Variants in ITPK1 observed in about 807,000 individuals in gnomAD.
The protein encoded by ITPK1 is inositol-tetrakisphosphate 1-kinase, also known as inositol 1,3,4-trisphosphate 5/6-kinase.
Under a neutral mutation model 45.3 loss-of-function variants are expected in ITPK1, and 21 were observed. That is an observed-to-expected ratio of 0.46 (90% CI 0.33 to 0.67). The LOEUF (loss-of-function observed/expected upper bound fraction) is 0.67, where lower values mean the gene tolerates loss of function less well. Ranked by LOEUF, ITPK1 falls within the 30% of genes least tolerant of loss-of-function variation. ITPK1 has a pLI of 0.02. For synonymous variants in ITPK1, 258 were observed against 253.6 expected (o/e 1.02, Z -0.16); for missense variants, 474 against 573.5 (o/e 0.83, Z 1.77).
intron 4 of ITPK1, among the ~76,000 whole-genome samples, chr14:92,999,938 A>G (rs1456631243): frequency 2.0e-5 from 3 of 152,136 alleles, no homozygotes; most frequent in Non-Finnish European, 4.4e-5. Flanking sequence ...GCAACCACAC[A>G]TCTACTTTCT....
chr14:93,087,903 G>A (rs1419798479), intron 2 of ITPK1, among the ~76,000 whole-genome samples: 1 of 152,242 alleles, frequency 6.6e-6, no homozygotes, highest in Non-Finnish European at 1.5e-5. Flanking sequence ...TGGCGGGAAA[G>A]AAGCCCAGGG....
chr14:93,038,700 G>C (rs112726343), intron 3 of ITPK1, among the ~76,000 whole-genome samples: 5 of 151,982 alleles, frequency 3.3e-5, no homozygotes, highest in Non-Finnish European at 5.9e-5. Flanking sequence ...GCTAATTTTT[G>C]TATTTTTAGT....
At chr14:92,968,191 G>A (rs1202203581) in intron 5 of ITPK1, among the ~76,000 whole-genome samples, 1 of 152,094 alleles carries the variant, frequency 6.6e-6, no homozygotes, top group Non-Finnish European at 1.5e-5. Flanking sequence ...TTAGCTGGGT[G>A]TGGTGGCACA....
chr14:93,014,219 G>A lies in ITPK1; in HGVS notation c.246+2457C>T, dbSNP rs1401265323. On this transcript the variant is annotated intron_variant, in intron 4 of 10. Coordinates refer to ENST00000267615, the MANE Select transcript of ITPK1 (RefSeq NM_014216.6). This position sits in a 1 kb window ranked among gnomAD's most constrained non-coding sequence, Gnocchi z 4.4. ...AAGACACTGCCTGAGAAATGCACCT[G>A]TGGCTGCCTGACAGCCTTAAGCCAC... 6.6e-6 allele frequency among the ~76,000 whole-genome samples: 1 copy of A among 152,122 alleles called. No homozygotes were observed. The highest frequency in any genetic ancestry group is 2.4e-5 in the African/African-American group (1 of 41,428).
intron 5 of ITPK1, among the ~76,000 whole-genome samples, chr14:92,986,524 GA>G (rs748995585): frequency 6.6e-5 from 10 of 152,226 alleles, no homozygotes; most frequent in Non-Finnish European, 1.3e-4. Flanking sequence ...ATGTCATTGG[GA>G]GAGTACCTCC....
chr14:93,082,040 G>C (rs1479711869), intron 2 of ITPK1, among the ~76,000 whole-genome samples: 3 of 152,146 alleles, frequency 2.0e-5, no homozygotes, highest in African/African-American at 7.2e-5. Context: ...GGAGCAGCTG[G>C]GTATGGGGAC....
intron 5 of ITPK1, among the ~76,000 whole-genome samples, chr14:92,977,904 G>T (rs941527119): frequency 6.6e-6 from 1 of 151,922 alleles, no homozygotes; most frequent in African/African-American, 2.4e-5. Context: ...ACTGCTATAA[G>T]GATATCTGAA....
At chr14:92,978,166 G>T (rs1238075003) in intron 5 of ITPK1, among the ~76,000 whole-genome samples, 1 of 151,960 alleles carries the variant, frequency 6.6e-6, no homozygotes, top group Non-Finnish European at 1.5e-5. Context: ...CTGGCATATT[G>T]TGTCCCTGCT....
At chr14:92,997,905 C>T (rs1398947632) in intron 4 of ITPK1, among the ~76,000 whole-genome samples, 2 of 152,228 alleles carry the variant, frequency 1.3e-5, no homozygotes, top group Non-Finnish European at 2.9e-5. Flanking sequence ...ATGATGCCAA[C>T]AGAGACAACT....
Position 92,940,080 on chromosome 14 carries a change from C to A in ITPK1, c.*1481G>T. 3.0e-6 allele frequency: 3 copies of A among 985,868 alleles called. No homozygotes were observed. Among genetic ancestry groups the A allele is most frequent in the Non-Finnish European group, 2.4e-6 (2 of 830,042 alleles). The allele number at this position is 985,868 out of a possible 1,614,324, so 61.1% of individuals were successfully genotyped here. A position where few individuals can be genotyped will look rare whatever the true frequency, so the allele number is the denominator to read the frequency against. On this transcript the variant is annotated 3_prime_UTR_variant, in exon 11 of 11. Transcript: ENST00000267615. ...ATGGCCTCTGCCCCTCGCCCAAGCCCTGTGCCTCCCTCCTCAAAGTGGGCA... is the reference window on the plus strand; with the variant it reads ...ATGGCCTCTGCCCCTCGCCCAAGCCATGTGCCTCCCTCCTCAAAGTGGGCA...
intron 3 of ITPK1, among the ~76,000 whole-genome samples, chr14:93,072,516 T>C (rs570991566): frequency 2.4e-4 from 36 of 151,970 alleles, no homozygotes; most frequent in South Asian, 6.2e-4. Flanking sequence ...ATTTAAAAAA[T>C]AGAATGGAAA....
chr14:92,941,841 C>A lies in ITPK1; in HGVS notation c.965G>T (p.Gly322Val). The part of the protein sequence containing the change: ...LLNHIATVLQ[G>V]QSTAMAATGD... ...TGTGGCTGCCATGGCTGTGCTCTGG[C>A]CCTGCAGGACAGTGGCGATGTGGTT... The change falls in exon 11 of 11, where the codon GGC (glycine) becomes GTC (valine). Residue 322 changes from glycine (G) to valine (V), a missense_variant. By Grantham distance (109) the Gly-to-Val change is moderately radical. Transcript: ENST00000267615. 1 of 1,612,522 alleles carries A rather than the reference C, an allele frequency of 6.2e-7. No homozygotes were observed. Among genetic ancestry groups the A allele is most frequent in the Non-Finnish European group, 8.5e-7 (1 of 1,179,936 alleles).
chr14:93,081,727 C>T (rs1891441225), intron 2 of ITPK1, among the ~76,000 whole-genome samples: 1 of 152,220 alleles, frequency 6.6e-6, no homozygotes, highest in African/African-American at 2.4e-5. Flanking sequence ...AAGGTGAGTC[C>T]TGCGCCCTCC....
At chr14:93,064,584 C>T (rs538622086) in intron 3 of ITPK1, among the ~76,000 whole-genome samples, 6 of 152,288 alleles carry the variant, frequency 3.9e-5, no homozygotes, top group East Asian at 1.9e-4. Flanking sequence ...CATGCACCAC[C>T]GCCAAGTTTC....
chr14:93,023,690 T>C (rs1888581427), intron 3 of ITPK1, among the ~76,000 whole-genome samples: 1 of 152,188 alleles, frequency 6.6e-6, no homozygotes, highest in South Asian at 2.1e-4. Flanking sequence ...CTATGATTTT[T>C]TTCACATTGT....
At chr14:93,088,337 TTTTG>T (rs1435997182) in intron 2 of ITPK1, among the ~76,000 whole-genome samples, 2 of 84,556 alleles carry the variant, frequency 2.4e-5, no homozygotes, top group African/African-American at 1.3e-4. Flanking sequence ...TTTGGTTTTG[TTTTG>T]TTTTTTTTTT....
Position 93,036,915 on chromosome 14 carries a change from A to G in ITPK1, c.121-20114T>C, listed in dbSNP as rs2139902498. 1 of 152,356 alleles carries G rather than the reference A, an allele frequency of 6.6e-6. No individual in the cohort carries two copies. The highest frequency in any genetic ancestry group is 1.9e-4 in the East Asian group (1 of 5,164). The allele number at this position is 152,356 out of a possible 1,614,324, so 9.4% of individuals were successfully genotyped here. ...TGTCAGAGAGCTGGGAAAGCCACGGAACACACAGAGCCTCCCGGCTCGGCG... is the reference window on the plus strand; with the variant it reads ...TGTCAGAGAGCTGGGAAAGCCACGGGACACACAGAGCCTCCCGGCTCGGCG... On this transcript the variant is annotated intron_variant, in intron 3 of 10. Coordinates refer to ENST00000267615, the MANE Select transcript of ITPK1 (RefSeq NM_014216.6). The surrounding 1 kb of genome is among the most constrained non-coding windows in gnomAD (Gnocchi z 4.1).
chr14:93,072,825 G>C (rs902875072), intron 3 of ITPK1, among the ~76,000 whole-genome samples: 2 of 152,090 alleles, frequency 1.3e-5, no homozygotes, highest in Non-Finnish European at 2.9e-5. Flanking sequence ...ATGTTGCCCA[G>C]GCAGATCTCA....
intron 9 of ITPK1, among the ~76,000 whole-genome samples, chr14:92,951,219 G>A (rs887848861): frequency 6.6e-6 from 1 of 152,248 alleles, no homozygotes; most frequent in Non-Finnish European, 1.5e-5. Context: ...TGGACTTCGG[G>A]CAAACAGCAG....
Sources: allele counts gnomAD v4.1 joint callset (sites outside exome capture counted in the v4.1 genomes callset), GRCh38; gene constraint gnomAD v4.1.1; non-coding constraint Gnocchi (gnomAD v3.1); transcripts MANE v1.5; gene names NCBI Gene and HGNC (gene_info 2026-07-23, HGNC 2026-07-21).